ATP6V0A4: variants seen among roughly 807,000 people sequenced by gnomAD.
ATP6V0A4 encodes V-type proton ATPase 116 kDa subunit a 4.
In ATP6V0A4, 86 loss-of-function variants were observed where a neutral mutation model predicts 107.3. That is an observed-to-expected ratio of 0.80 (90% confidence interval 0.67 to 0.96). The LOEUF is 0.96. ATP6V0A4 is among the 40% of genes least tolerant of loss of function. The pLI, the probability that ATP6V0A4 is intolerant of heterozygous loss-of-function variation, is 0.00. For synonymous variants in ATP6V0A4, 353 were observed against 381.4 expected, an observed-to-expected ratio of 0.93 and a Z score of 0.87; for missense variants, 908 against 1,045.6, an observed-to-expected ratio of 0.87 and a Z score of 1.81.
At position 138,709,123 on chromosome 7, in the gene ATP6V0A4, C is replaced by T. The variant is rs189953856; in HGVS notation, c.2429+501G>A. Among the ~76,000 whole-genome samples, 10 of 150,722 alleles carry T rather than the reference C, an allele frequency of 6.6e-5. No homozygotes were observed. In the East Asian group the frequency reaches 1.8e-3, roughly 27 times the overall value. On this transcript the variant is annotated intron_variant, in intron 21 of 21. Coordinates refer to ENST00000310018, the MANE Select transcript of ATP6V0A4 (RefSeq NM_020632.3). The stretch of plus-strand genomic sequence containing the variant: ...ACTCAGGAGGCTGAGGCAGGAGAAT[C>T]GCCTGAACCCGGTAGGTGGAGGTTG...
intron 19 of ATP6V0A4, among the ~76,000 whole-genome samples, chr7:138,719,738 G>C (rs994844373): frequency 3.3e-5 from 5 of 152,150 alleles, no homozygotes; most frequent in African/African-American, 1.2e-4. Context: ...AGCTGTAAGT[G>C]GACAGGCACG....
In ATP6V0A4 at chr7:138,759,854, C is replaced by G. The variant is rs1258679224; in HGVS notation, c.537G>C (p.Arg179Ser). Residue 179 changes from arginine (R) to serine (S), a missense_variant, in exon 8 of 22, where the codon AGG becomes AGC. By Grantham distance (110) the Arg-to-Ser change is moderately radical. Transcript: ENST00000310018. ...ACCGCTCAAAGGAAGCCATCCTCTC[C>G]CTGTTGATCACACCGGCTATGAACC... is the stretch of plus-strand genomic sequence containing the variant. ...KLGFIAGVIN[R>S]ERMASFERLL... The G allele has an allele frequency of 1.9e-6, 3 of 1,614,110 alleles. No individual in the cohort carries two copies. Among genetic ancestry groups the G allele is most frequent in the African/African-American group, 2.7e-5 (2 of 75,036 alleles).
intron 11 of ATP6V0A4, among the ~76,000 whole-genome samples, chr7:138,751,854 G>A (rs866771577): frequency 6.6e-6 from 1 of 152,078 alleles, no homozygotes; most frequent in African/African-American, 2.4e-5. Context: ...CTAGCAGAGT[G>A]GAGCTGGGCA....
In ATP6V0A4 at chr7:138,706,600, A is replaced by G. The variant is rs746571093; in HGVS notation, c.*24T>C. ...AACTTCCTTCATTGGCATGGTGACC[A>G]CCGTGGGAGGTGCAGCCCTCAGCCT... On this transcript the variant is annotated 3_prime_UTR_variant, in exon 22 of 22. Coordinates refer to ENST00000310018, the MANE Select transcript of ATP6V0A4 (RefSeq NM_020632.3). The G allele has an allele frequency of 1.9e-6, 3 of 1,613,272 alleles. No homozygotes were observed. In the African/African-American group the frequency reaches 4.0e-5, roughly 22 times the overall value.
At chr7:138,732,662 C>G (rs557868826) in intron 17 of ATP6V0A4, among the ~76,000 whole-genome samples, 1 of 151,616 alleles carries the variant, frequency 6.6e-6, no homozygotes, top group Non-Finnish European at 1.5e-5. Context: ...GGCGTGGTGG[C>G]GTGCACCTGT....
At chr7:138,748,644 C>T (rs1204793357) in intron 12 of ATP6V0A4, among the ~76,000 whole-genome samples, 4 of 152,040 alleles carry the variant, frequency 2.6e-5, no homozygotes, top group Admixed American at 6.6e-5. Context: ...TGACCTCAAG[C>T]GATCCACCTC....
At chr7:138,719,351 G>A (rs1204705611) in intron 19 of ATP6V0A4, among the ~76,000 whole-genome samples, 3 of 152,130 alleles carry the variant, frequency 2.0e-5, no homozygotes, top group African/African-American at 7.2e-5. Context: ...CGAATGCAGT[G>A]GCTTAAGTTG....
At chr7:138,718,021 CGG>C (rs1804143388) in intron 19 of ATP6V0A4, among the ~76,000 whole-genome samples, 5 of 6,066 alleles carry the variant, frequency 8.2e-4, no homozygotes, top group Non-Finnish European at 1.0e-3. Context: ...CAGATGTCTG[CGG>C]AGGGAGACGT....
chr7:138,717,932 AGT>A (rs1804135815), intron 19 of ATP6V0A4, among the ~76,000 whole-genome samples: 1 of 144,998 alleles, frequency 6.9e-6, no homozygotes, highest in Non-Finnish European at 1.5e-5. Flanking sequence ...AAAAAAAAAG[AGT>A]GAGATGAGAT....
intron 13 of ATP6V0A4, among the ~76,000 whole-genome samples, chr7:138,745,957 A>ATATATATATATATATATATATAT (rs1477408393): frequency 1.2e-5 from 1 of 86,466 alleles, no homozygotes; most frequent in African/African-American, 4.8e-5. Context: ...AAAAAAAAAA[A>ATATATATATATATATATATATAT]AAAAAATATA....
At chr7:138,755,562 G>C in intron 10 of ATP6V0A4, 127 bp downstream of exon 10, 1 of 1,287,178 alleles carries the variant, frequency 7.8e-7, no homozygotes, top group Non-Finnish European at 1.1e-6. Flanking sequence ...GCCACAACCA[G>C]AAAGGCATAG....
rs753484445 is a variant in ATP6V0A4, at chr7:138,733,006, C to A, written c.1779G>T (p.Met593Ile). The change falls in exon 17 of 22, where the codon ATG becomes ATT. Residue 593 changes from methionine (M) to isoleucine (I), a missense_variant. Transcript: ENST00000310018. ...ILCLFGYLVF[M>I]IIFKWCCFDV... ...CAAAGCAGCACCATTTGAAAATGAT[C>A]ATGAAAACCAGGTATCCAAACAGAC... 1 of 1,614,044 alleles carries A rather than the reference C, an allele frequency of 6.2e-7. No homozygotes were observed. The highest frequency in any genetic ancestry group is 8.5e-7 in the Non-Finnish European group (1 of 1,180,010).
At chr7:138,739,368 A>G (rs531848367) in intron 15 of ATP6V0A4, among the ~76,000 whole-genome samples, 172 bp downstream of exon 15, 1 of 152,358 alleles carries the variant, frequency 6.6e-6, no homozygotes, top group Non-Finnish European at 1.5e-5. Flanking sequence ...AGGTGTAGAC[A>G]GAACTTTTAC....
intron 12 of ATP6V0A4, among the ~76,000 whole-genome samples, chr7:138,747,975 C>T (rs1480368008): frequency 6.6e-6 from 1 of 151,944 alleles, no homozygotes; most frequent in Non-Finnish European, 1.5e-5. Flanking sequence ...GGGCTGGTCT[C>T]GAACTCCTGG....
At chr7:138,795,727 A>G (rs1468676761) in intron 1 of ATP6V0A4, among the ~76,000 whole-genome samples, 1 of 152,046 alleles carries the variant, frequency 6.6e-6, no homozygotes, top group East Asian at 1.9e-4. Context: ...TGCAGCCTCA[A>G]CCTCCTGGGC....
chr7:138,709,858 T>C, intron 20 of ATP6V0A4, 63 bp from the exon 21 acceptor site: 1 of 1,557,738 alleles, frequency 6.4e-7, no homozygotes, highest in African/African-American at 1.4e-5. Flanking sequence ...TATTGTATTT[T>C]CTCATCTTTT....
chr7:138,724,579 C>T (rs189191820), intron 18 of ATP6V0A4, among the ~76,000 whole-genome samples: 5 of 152,278 alleles, frequency 3.3e-5, no homozygotes, highest in African/African-American at 1.2e-4. Flanking sequence ...TGCCAGGTGC[C>T]AAGAGCCAGC....
At chr7:138,709,489 T>C (rs1803624809) in intron 21 of ATP6V0A4, 135 bp downstream of exon 21, 2 of 788,000 alleles carry the variant, frequency 2.5e-6, no homozygotes, top group Non-Finnish European at 4.5e-6. Flanking sequence ...AACAGATGAC[T>C]AAACTAAGGC....
intron 2 of ATP6V0A4, among the ~76,000 whole-genome samples, chr7:138,780,930 A>T (rs1471048295): frequency 2.6e-5 from 4 of 151,910 alleles, no homozygotes; most frequent in Non-Finnish European, 1.5e-5. Context: ...AAAAAAAATT[A>T]AAAAAAAGAA....
Sources: allele counts gnomAD v4.1 joint callset (sites outside exome capture counted in the v4.1 genomes callset), GRCh38; gene constraint gnomAD v4.1.1; transcripts MANE v1.5; gene names NCBI Gene and HGNC (gene_info 2026-07-23, HGNC 2026-07-21).